TNR: variants seen among roughly 807,000 people sequenced by gnomAD.
The protein encoded by TNR is tenascin-R.
In TNR, 45 loss-of-function variants were observed where a neutral mutation model predicts 150.4. The ratio of observed to expected loss-of-function variants is 0.30; its 90% CI spans 0.24 to 0.38. The LOEUF (loss-of-function observed/expected upper bound fraction) is 0.38. Among genes scored for constraint, TNR ranks in the 10% least tolerant of loss-of-function variants. The pLI, the probability that TNR is intolerant of heterozygous loss-of-function variation, is 1.00. For synonymous variants in TNR, 687 were observed against 678.4 expected, an observed-to-expected ratio of 1.01 and a Z score of -0.20; for missense variants, 1,544 against 1,759.1, an observed-to-expected ratio of 0.88 and a Z score of 2.19.
At chr1:175,375,717 C>T (rs977873789) in intron 9 of TNR, among the ~76,000 whole-genome samples, 1 of 152,054 alleles carries the variant, frequency 6.6e-6, no homozygotes, top group African/African-American at 2.4e-5. Flanking sequence ...AGTGTTGAGT[C>T]AACAGTGAGA....
intron 2 of TNR, among the ~76,000 whole-genome samples, chr1:175,493,806 A>AT (rs1375172022): frequency 1.3e-5 from 2 of 151,868 alleles, no homozygotes; most frequent in Admixed American, 1.3e-4. Flanking sequence ...GAGAGTCCAT[A>AT]TGGCTGCGTG....
At chr1:175,361,723 C>T (rs1032236642) in intron 14 of TNR, among the ~76,000 whole-genome samples, 1 of 152,174 alleles carries the variant, frequency 6.6e-6, no homozygotes, top group Non-Finnish European at 1.5e-5. Flanking sequence ...ATGAGGCAAG[C>T]TGGATGTTTT....
intron 2 of TNR, among the ~76,000 whole-genome samples, chr1:175,417,939 G>T (rs191890616): frequency 6.6e-6 from 1 of 152,144 alleles, no homozygotes; most frequent in East Asian, 1.9e-4. Context: ...CAGCTCTAGT[G>T]GTCTAAATGA....
intron 1 of TNR, among the ~76,000 whole-genome samples, chr1:175,551,171 A>G (rs1237460704): frequency 6.6e-6 from 1 of 152,236 alleles, no homozygotes; most frequent in African/African-American, 2.4e-5. Flanking sequence ...GTGACAAAAT[A>G]TTAGAAATCT....
At chr1:175,729,201 G>A (rs1351063323) in intron 1 of TNR, among the ~76,000 whole-genome samples, 2 of 151,328 alleles carry the variant, frequency 1.3e-5, no homozygotes, top group African/African-American at 2.4e-5. Flanking sequence ...ATTTTTATTA[G>A]GTGCTCAGCC....
rs1200039435 is a variant in TNR, at chr1:175,599,706, C to A, written c.-164-71337G>T. On this transcript the variant is annotated intron_variant, in intron 1 of 22. Transcript: ENST00000367674. This position sits in a 1 kb window ranked among gnomAD's most constrained non-coding sequence, Gnocchi z 4.7. ...AGGAGGACAGAGGGGCCAGGTGGAG[C>A]GGGGTCTGCAAACAGCCCAGGCTTT... Among the ~76,000 whole-genome samples the A allele has an allele frequency of 6.6e-6, 1 of 152,212 alleles. No individual in the cohort carries two copies. Among genetic ancestry groups the A allele is most frequent in the Non-Finnish European group, 1.5e-5 (1 of 68,038 alleles).
chr1:175,578,115 G>C (rs561719114), intron 1 of TNR, among the ~76,000 whole-genome samples: 1 of 152,226 alleles, frequency 6.6e-6, no homozygotes, highest in East Asian at 1.9e-4. Context: ...CAGACCTCTC[G>C]GGTCTGTAGT....
intron 2 of TNR, among the ~76,000 whole-genome samples, chr1:175,470,158 G>A (rs543463693): frequency 2.4e-4 from 36 of 152,234 alleles, no homozygotes; most frequent in South Asian, 1.0e-3. Flanking sequence ...CAGAGAACTC[G>A]AATAAGCAGC....
intron 2 of TNR, among the ~76,000 whole-genome samples, chr1:175,459,283 A>G (rs990128808): frequency 1.3e-5 from 2 of 151,994 alleles, no homozygotes; most frequent in Admixed American, 6.5e-5. Context: ...CACCATCACC[A>G]TTGCTACCAT....
At chr1:175,737,988 G>A (rs1474111413) in intron 1 of TNR, among the ~76,000 whole-genome samples, 1 of 152,164 alleles carries the variant, frequency 6.6e-6, no homozygotes, top group Non-Finnish European at 1.5e-5. Context: ...TAAGATTGGG[G>A]CACTTTGTTT....
At chr1:175,331,881 G>T (rs1649953228) in intron 20 of TNR, among the ~76,000 whole-genome samples, 2 of 152,304 alleles carry the variant, frequency 1.3e-5, no homozygotes, top group Middle Eastern at 3.4e-3. Context: ...TTGGCTGAAG[G>T]TCATCCAGAT....
intron 18 of TNR, among the ~76,000 whole-genome samples, chr1:175,349,801 A>G (rs1650970854): frequency 6.6e-6 from 1 of 152,180 alleles, no homozygotes; most frequent in Admixed American, 6.6e-5. Flanking sequence ...GTTTGTTCAA[A>G]TGGGATAATT....
chr1:175,554,971 A>G (rs1661093211), intron 1 of TNR, among the ~76,000 whole-genome samples: 1 of 152,220 alleles, frequency 6.6e-6, no homozygotes, highest in Non-Finnish European at 1.5e-5. Context: ...GCTAGAACAC[A>G]GGTCTCTTTA....
At chr1:175,676,803 C>A (rs1361542924) in intron 1 of TNR, among the ~76,000 whole-genome samples, 1 of 152,170 alleles carries the variant, frequency 6.6e-6, no homozygotes, top group Non-Finnish European at 1.5e-5. Flanking sequence ...CCACAAAGAA[C>A]CACGGGACTC....
intron 21 of TNR, among the ~76,000 whole-genome samples, chr1:175,326,950 G>A (rs539541651): frequency 6.6e-6 from 1 of 151,762 alleles, no homozygotes; most frequent in Non-Finnish European, 1.5e-5. Context: ...ACAGGTGTGA[G>A]CCCAGCCCTT....
At chr1:175,718,370 C>T (rs1211163208) in intron 1 of TNR, among the ~76,000 whole-genome samples, 1 of 152,166 alleles carries the variant, frequency 6.6e-6, no homozygotes, top group Non-Finnish European at 1.5e-5. Context: ...TTAGAAGAGT[C>T]CTTTATCCTG....
intron 8 of TNR, 49 bp from the exon 9 acceptor site, chr1:175,379,786 C>T (rs761860947): frequency 5.7e-6 from 9 of 1,587,846 alleles, no homozygotes; most frequent in Non-Finnish European, 7.7e-6. Context: ...ATGTAATGTA[C>T]ATTTGTGGTG....
chr1:175,701,032 C>G (rs1025109536), intron 1 of TNR, among the ~76,000 whole-genome samples: 2 of 152,228 alleles, frequency 1.3e-5, no homozygotes, highest in South Asian at 4.1e-4. Flanking sequence ...TCTGCAATTC[C>G]TTTCACTCCA....
chr1:175,508,009 A>G (rs1659027728), intron 2 of TNR, among the ~76,000 whole-genome samples: 1 of 152,202 alleles, frequency 6.6e-6, no homozygotes, highest in Non-Finnish European at 1.5e-5. Flanking sequence ...TGTATCCAGG[A>G]ACAGAAAACC....
Sources: gnomAD v4.1 joint callset for allele counts (sites outside exome capture counted in the v4.1 genomes callset) on GRCh38, gnomAD v4.1.1 for gene constraint, Gnocchi (gnomAD v3.1) non-coding constraint, MANE v1.5 for transcripts, NCBI Gene and HGNC (gene_info 2026-07-23, HGNC 2026-07-21) for gene names.